The following UBP1 variants were observed in gnomAD, a reference collection of about 807,000 sequenced individuals.
UBP1 encodes upstream-binding protein 1.
Under a neutral mutation model 76.1 loss-of-function variants are expected in UBP1, and 22 were observed. The observed-to-expected ratio is 0.29, with a 90% CI of 0.21 to 0.41. The LOEUF is 0.41. Among genes scored for constraint, UBP1 ranks in the 10% least tolerant of loss-of-function variants. The probability of loss-of-function intolerance (pLI) is 1.00; values close to 1 mark genes in which losing one functional copy is unlikely to be tolerated. For missense variants in UBP1, 436 were observed against 668.1 expected (o/e 0.65, Z 3.83); for synonymous variants, 224 against 237.1 (o/e 0.94, Z 0.51).
At chr3:33,411,450 G>A (rs1247707144) in intron 5 of UBP1, 131 bp downstream of exon 5, 1 of 713,700 alleles carries the variant, frequency 1.4e-6, no homozygotes, top group East Asian at 2.7e-5. Context: ...ACCTAACTAT[G>A]TATATAGAAA....
At chr3:33,402,933 G>T (rs943384659) in intron 8 of UBP1, 29 bp from the exon 9 acceptor site, 4 of 1,538,830 alleles carry the variant, frequency 2.6e-6, no homozygotes, top group Non-Finnish European at 3.6e-6. Flanking sequence ...ATAAATTAGT[G>T]ATATGCTTTT....
intron 1 of UBP1, among the ~76,000 whole-genome samples, chr3:33,436,203 C>G (rs1210601474): frequency 6.6e-6 from 1 of 152,154 alleles, no homozygotes; most frequent in African/African-American, 2.4e-5. Flanking sequence ...TATACACTGT[C>G]CAATGTTTAA....
In UBP1 at chr3:33,393,396, C is replaced by T. The variant is rs200981129; in HGVS notation, c.1449G>A (p.Ala483=). 6.2e-7 allele frequency: 1 copy of T among 1,613,126 alleles called. No homozygotes were observed. Among genetic ancestry groups the T allele is most frequent in the South Asian group, 1.1e-5 (1 of 90,974 alleles). Residue 483 remains alanine, a synonymous_variant, in exon 14 of 16, where the codon GCG becomes GCA. Transcript: ENST00000283629. ...GGTGGAGAGGGATATTAAACACCAG[C>T]GCAAGTTTTCGAGCAACTTCTGAGG... ...MIASEVARKL[A]LVFNIPLHQI...
chr3:33,439,722 A>G lies in UBP1; in HGVS notation c.113+14T>C. 1.2e-6 allele frequency: 2 copies of G among 1,609,700 alleles called. No individual in the cohort carries two copies. Among genetic ancestry groups the G allele is most frequent in the Non-Finnish European group, 1.7e-6 (2 of 1,178,232 alleles). On this transcript the variant is annotated intron_variant, in intron 1 of 15. Coordinates refer to ENST00000283629, the MANE Select transcript of UBP1 (RefSeq NM_014517.5). ...AGGAGACAGAGGCTTCTCCCCGCCC[A>G]GGGAGCCCAGTACCTCATGCTGTAA...
intron 4 of UBP1, 108 bp downstream of exon 4, chr3:33,412,614 A>G: frequency 1.3e-6 from 1 of 764,454 alleles, no homozygotes; most frequent in Non-Finnish European, 2.2e-6. Context: ...AAATCCACAA[A>G]CACCAAAACT....
intron 8 of UBP1, among the ~76,000 whole-genome samples, chr3:33,407,005 T>C (rs949691920): frequency 2.6e-5 from 4 of 152,218 alleles, no homozygotes; most frequent in African/African-American, 9.7e-5. Flanking sequence ...AAGCCAATTG[T>C]AACTAGCCAA....
At chr3:33,438,576 C>A (rs1243381212) in intron 1 of UBP1, among the ~76,000 whole-genome samples, 1 of 152,172 alleles carries the variant, frequency 6.6e-6, no homozygotes, top group Non-Finnish European at 1.5e-5. Context: ...AGAAGAGGTG[C>A]CAAGTTCAGG....
chr3:33,419,355 C>T (rs9820620), intron 2 of UBP1, among the ~76,000 whole-genome samples: 3,337 of 152,066 alleles, frequency 0.022, 121 homozygotes, highest in African/African-American at 0.075. Context: ...TTAGGCTGGG[C>T]GCAGTGGCTC....
In UBP1 at chr3:33,440,063, C is replaced by T. The variant is rs1372891221; in HGVS notation, c.-215G>A. ...ATTGCAGCGGGAGCGGCCGGGCCGCCGGCAGCGCCACCCTCCCGCGGACAC... is the reference window on the plus strand; with the variant it reads ...ATTGCAGCGGGAGCGGCCGGGCCGCTGGCAGCGCCACCCTCCCGCGGACAC... On this transcript the variant is annotated 5_prime_UTR_variant, in exon 1 of 16. Transcript: ENST00000283629. 3 of 475,930 alleles carry T rather than the reference C, an allele frequency of 6.3e-6. No homozygotes were observed. Among genetic ancestry groups the T allele is most frequent in the East Asian group, 7.3e-5 (2 of 27,404 alleles). 29.5% of individuals were successfully genotyped at this position (475,930 alleles called of 1,614,324 possible).
chr3:33,421,473 T>A (rs1481316883), intron 2 of UBP1, among the ~76,000 whole-genome samples: 1 of 152,210 alleles, frequency 6.6e-6, no homozygotes, highest in Non-Finnish European at 1.5e-5. Flanking sequence ...TTTCACCACA[T>A]TGGCCAGGCT....
At chr3:33,391,966 TG>T (rs1281424317) in intron 15 of UBP1, 1 of 153,006 alleles carries the variant, frequency 6.5e-6, no homozygotes, top group Non-Finnish European at 1.5e-5. Context: ...GGCACCTACA[TG>T]GCCCACTGCC....
rs189249215 is a variant in UBP1 at position 33,410,116 on chromosome 3, A to G, written c.556-515T>C. 2.8e-3 allele frequency among the ~76,000 whole-genome samples: 433 copies of G among 152,262 alleles called. 2 individuals are homozygous for G. Among genetic ancestry groups the G allele is most frequent in the Middle Eastern group, 0.027 (8 of 294 alleles). On this transcript the variant is annotated intron_variant, in intron 5 of 15. Coordinates refer to ENST00000283629, the MANE Select transcript of UBP1 (RefSeq NM_014517.5). Reference sequence around the variant, plus strand: ...GGAAATTTTACAGTCCAGAAAACCCACTACCCATCCTATTCTGTATCCATC... The same window carrying G: ...GGAAATTTTACAGTCCAGAAAACCCGCTACCCATCCTATTCTGTATCCATC...
chr3:33,406,475 A>G (rs1469892167), intron 8 of UBP1, among the ~76,000 whole-genome samples: 1 of 152,236 alleles, frequency 6.6e-6, no homozygotes, highest in Non-Finnish European at 1.5e-5. Flanking sequence ...ACATGTATAA[A>G]TAATGTAAAC....
chr3:33,434,328 T>C (rs936876912), intron 1 of UBP1, among the ~76,000 whole-genome samples: 2 of 146,142 alleles, frequency 1.4e-5, no homozygotes, highest in Non-Finnish European at 3.0e-5. Flanking sequence ...GAAAGAGTCT[T>C]GCTCTGTCAC....
At chr3:33,402,251 A>G (rs1462135683) in intron 9 of UBP1, among the ~76,000 whole-genome samples, 3 of 152,194 alleles carry the variant, frequency 2.0e-5, no homozygotes, top group African/African-American at 4.8e-5. Context: ...TCCCACCCTG[A>G]GCTTACTCTA....
intron 1 of UBP1, among the ~76,000 whole-genome samples, chr3:33,434,795 TC>T (rs2045178616): frequency 6.8e-6 from 1 of 148,138 alleles, no homozygotes; most frequent in African/African-American, 2.5e-5. Flanking sequence ...CAAGCGATTC[TC>T]CTGCCTCAGC....
intron 2 of UBP1, among the ~76,000 whole-genome samples, chr3:33,418,690 C>G (rs1202871656): frequency 6.6e-6 from 1 of 151,606 alleles, no homozygotes; most frequent in African/African-American, 2.4e-5. Flanking sequence ...GAAACCTCAT[C>G]TCTACTAAAA....
intron 8 of UBP1, 24 bp downstream of exon 8, chr3:33,408,666 A>T (rs766250814): frequency 1.3e-6 from 2 of 1,594,082 alleles, no homozygotes; most frequent in Non-Finnish European, 1.7e-6. Flanking sequence ...TTGCACAATG[A>T]AAAGAGAAGC....
At chr3:33,411,771 A>T (rs1182560908) in intron 4 of UBP1, 84 bp from the exon 5 acceptor site, 1 of 1,091,740 alleles carries the variant, frequency 9.2e-7, no homozygotes, top group Non-Finnish European at 1.4e-6. Flanking sequence ...TGTTCTAATG[A>T]AATAACTGTA....
Sources: gnomAD v4.1 joint callset for allele counts (sites outside exome capture counted in the v4.1 genomes callset) on GRCh38, gnomAD v4.1.1 for gene constraint, MANE v1.5 for transcripts, NCBI Gene and HGNC (gene_info 2026-07-23, HGNC 2026-07-21) for gene names.